Variants in CGNL1 observed in about 807,000 individuals in gnomAD.
CGNL1 encodes cingulin like 1, also known as cingulin-like protein 1.
CGNL1 carries 132 observed loss-of-function variants against 141.2 expected under a neutral mutation model. That is an observed-to-expected ratio of 0.93 (90% CI 0.81 to 1.08). The LOEUF (loss-of-function observed/expected upper bound fraction) is 1.08, where lower values mean the gene tolerates loss of function less well. Among genes scored for constraint, CGNL1 ranks in the 50% least tolerant of loss-of-function variants. The pLI is 0.00. For synonymous variants in CGNL1, 690 were observed against 622.1 expected (o/e 1.11, Z -1.63); for missense variants, 1,870 against 1,588.6 (o/e 1.18, Z -3.01).
intron 8 of CGNL1, among the ~76,000 whole-genome samples, chr15:57,474,813 G>A (rs561062494): frequency 1.3e-5 from 2 of 152,150 alleles, no homozygotes; most frequent in Non-Finnish European, 2.9e-5. Context: ...TGGAGTAAGA[G>A]GAAAACTTTC....
chr15:57,486,145 C>A (rs2063782407), intron 8 of CGNL1, among the ~76,000 whole-genome samples: 1 of 152,142 alleles, frequency 6.6e-6, no homozygotes, highest in African/African-American at 2.4e-5. Context: ...TGCTCCAGGG[C>A]AGGGGCAGGC....
chr15:57,538,507 C>T (rs960365123), intron 14 of CGNL1, among the ~76,000 whole-genome samples: 6 of 152,102 alleles, frequency 3.9e-5, no homozygotes, highest in Admixed American at 6.5e-5. Context: ...TATCCTGGGG[C>T]TCTCCAGGGG....
intron 4 of CGNL1, among the ~76,000 whole-genome samples, chr15:57,446,248 C>T (rs1180991643): frequency 1.3e-5 from 2 of 152,030 alleles, no homozygotes; most frequent in African/African-American, 2.4e-5. Flanking sequence ...ACACAAATTC[C>T]ATCTATACAG....
At chr15:57,524,806 C>T (rs528038019) in intron 12 of CGNL1, 55 bp downstream of exon 12, 1 of 1,555,000 alleles carries the variant, frequency 6.4e-7, no homozygotes, top group Non-Finnish European at 8.8e-7. Context: ...GTATCCTTTG[C>T]CCTGAAAGTC....
At chr15:57,376,633 G>T (rs1279452860) in intron 1 of CGNL1, 66 bp downstream of exon 1, 2 of 152,188 alleles carry the variant, frequency 1.3e-5, no homozygotes, top group African/African-American at 4.8e-5. Flanking sequence ...GGGTGCTAGG[G>T]GCCGCCCAGG....
chr15:57,439,586 G>T lies in CGNL1; in HGVS notation c.1587G>T (p.Ser529=), dbSNP rs761414840. The change falls in exon 2 of 19, where the codon TCG becomes TCT. Residue 529 remains serine, a synonymous_variant. Transcript: ENST00000281282. ...AKKISVKTFP[S]ASNTQATPDL... ...AAATTTCCGTGAAGACATTTCCTTC[G>T]GCCTCAAATACTCAGGTAACACTAG... 2 of 1,613,056 alleles carry T rather than the reference G, an allele frequency of 1.2e-6. No homozygotes were observed. The highest frequency in any genetic ancestry group is 2.7e-5 in the African/African-American group (2 of 74,866).
chr15:57,518,479 T>A lies in CGNL1; in HGVS notation c.2697T>A (p.Asn899Lys). ...EAVSARRALE[N>K]ELEAAQGNLS... ...TGTCAGCCAGAAGGGCCCTGGAGAATGAACTGGAGGCTGCTCAGGTAAACA... is the reference window on the plus strand; with the variant it reads ...TGTCAGCCAGAAGGGCCCTGGAGAAAGAACTGGAGGCTGCTCAGGTAAACA... The change falls in exon 10 of 19, where the codon AAT (asparagine) becomes AAA (lysine). Residue 899 changes from asparagine (N) to lysine (K), a missense_variant. Transcript: ENST00000281282. 1.2e-6 allele frequency: 2 copies of A among 1,610,684 alleles called. No individual in the cohort carries two copies. Among genetic ancestry groups the A allele is most frequent in the Non-Finnish European group, 1.7e-6 (2 of 1,178,274 alleles).
At position 57,544,572 on chromosome 15, in the gene CGNL1, G is replaced by T; in HGVS notation, c.3475G>T (p.Glu1159Ter). ...VQMEARIAEL[E>*]DRLESEERDR... The stretch of plus-strand genomic sequence containing the variant: ...GATGGAGGCCAGGATCGCGGAGCTG[G>T]AGGACCGCCTGGAGAGTGAGGAGAG... Residue 1159 changes from glutamate (E) to a stop codon, truncating the protein, a stop_gained, in exon 16 of 19, where the codon GAG becomes TAG. Transcript: ENST00000281282. LOFTEE classifies it high-confidence loss of function. 6.3e-7 allele frequency: 1 copy of T among 1,594,594 alleles called. No homozygotes were observed.
intron 1 of CGNL1, among the ~76,000 whole-genome samples, chr15:57,430,338 C>G (rs953602545): frequency 5.9e-5 from 9 of 152,072 alleles, no homozygotes; most frequent in African/African-American, 2.2e-4. Context: ...TAGCTCTGCC[C>G]TGGTAGGAGA....
In CGNL1 at chr15:57,438,380, T is replaced by G. The variant is rs1317130379; in HGVS notation, c.381T>G (p.Asn127Lys). The G allele has an allele frequency of 5.0e-6, 8 of 1,614,126 alleles. No homozygotes were observed. Among genetic ancestry groups the G allele is most frequent in the Non-Finnish European group, 6.8e-6 (8 of 1,180,018 alleles). The stretch of plus-strand genomic sequence containing the variant: ...AGCCCCTGCTCCATGAGGGCAAGAA[T>G]GGAGTTCTAGATCGCAAAGACGGGT... The part of the protein sequence containing the change: ...LKQPLLHEGK[N>K]GVLDRKDGSV... The change falls in exon 2 of 19, where the codon AAT (asparagine) becomes AAG (lysine). Residue 127 changes from asparagine (N) to lysine (K), a missense_variant. By Grantham distance (94) the Asn-to-Lys change is moderately conservative. Transcript: ENST00000281282.
rs749022549 is a variant in CGNL1 at position 57,544,579 on chromosome 15, G to A, written c.3482G>A (p.Arg1161His). Residue 1161 changes from arginine to histidine, a missense_variant, in exon 16 of 19, where the codon CGC becomes CAC. Transcript: ENST00000281282. ...GCCAGGATCGCGGAGCTGGAGGACCGCCTGGAGAGTGAGGAGAGGTGAGCC... is the reference window on the plus strand; with the variant it reads ...GCCAGGATCGCGGAGCTGGAGGACCACCTGGAGAGTGAGGAGAGGTGAGCC... ...MEARIAELED[R>H]LESEERDRAN... 80 of 1,588,168 alleles carry A rather than the reference G, an allele frequency of 5.0e-5. No individual in the cohort carries two copies. Among genetic ancestry groups the A allele is most frequent in the Middle Eastern group, 1.7e-4 (1 of 6,040 alleles).
intron 8 of CGNL1, among the ~76,000 whole-genome samples, chr15:57,462,198 C>T (rs1300453499): frequency 2.0e-5 from 3 of 152,168 alleles, no homozygotes; most frequent in Non-Finnish European, 2.9e-5. Context: ...GATGTACTCT[C>T]CCAGGCGTTC....
intron 1 of CGNL1, among the ~76,000 whole-genome samples, chr15:57,433,243 C>T (rs1246209828): frequency 6.6e-6 from 1 of 150,926 alleles, no homozygotes; most frequent in East Asian, 1.9e-4. Context: ...GGTGTCAGCC[C>T]TCACGCATCA....
At chr15:57,445,932 A>T (rs1453631100) in intron 4 of CGNL1, among the ~76,000 whole-genome samples, 3 of 152,102 alleles carry the variant, frequency 2.0e-5, no homozygotes, top group Non-Finnish European at 2.9e-5. Flanking sequence ...TTTGTAATAG[A>T]CTCTCTTCAA....
intron 1 of CGNL1, among the ~76,000 whole-genome samples, chr15:57,401,229 T>C (rs1490495931): frequency 1.3e-5 from 2 of 152,236 alleles, no homozygotes; most frequent in Non-Finnish European, 1.5e-5. Context: ...AATGGATATT[T>C]GGACTATTAT....
At chr15:57,523,786 C>G in intron 11 of CGNL1, 145 bp downstream of exon 11, 1 of 809,160 alleles carries the variant, frequency 1.2e-6, no homozygotes, top group Non-Finnish European at 1.9e-6. Context: ...CAAGAGGCAG[C>G]TCTTTGGATT....
At chr15:57,409,505 G>C (rs1463404658) in intron 1 of CGNL1, among the ~76,000 whole-genome samples, 1 of 152,230 alleles carries the variant, frequency 6.6e-6, no homozygotes, top group Non-Finnish European at 1.5e-5. Context: ...GGCCACAGCT[G>C]TAATCCAATA....
intron 8 of CGNL1, among the ~76,000 whole-genome samples, chr15:57,464,751 CCTT>C (rs2063490897): frequency 8.2e-6 from 1 of 122,172 alleles, no homozygotes; most frequent in Non-Finnish European, 1.7e-5. Flanking sequence ...CTTTCTCTTT[CCTT>C]CTTTTTTTTT....
intron 8 of CGNL1, among the ~76,000 whole-genome samples, chr15:57,472,754 C>T (rs1395000560): frequency 6.6e-6 from 1 of 152,150 alleles, no homozygotes; most frequent in Non-Finnish European, 1.5e-5. Context: ...GAATTTATAA[C>T]ATGTGTCTTT....
Sources: allele counts gnomAD v4.1 joint callset (sites outside exome capture counted in the v4.1 genomes callset), GRCh38; gene constraint gnomAD v4.1.1; transcripts MANE v1.5; gene names NCBI Gene and HGNC (gene_info 2026-07-23, HGNC 2026-07-21).